The following CCNF variants were observed in gnomAD, a reference collection of about 807,000 sequenced individuals.
The protein encoded by CCNF is cyclin-F.
In CCNF, 30 loss-of-function variants were observed where a neutral mutation model predicts 85.4. That is an observed-to-expected ratio of 0.35 (90% CI 0.26 to 0.48). The LOEUF (loss-of-function observed/expected upper bound fraction) is 0.48, where lower values mean the gene tolerates loss of function less well. Ranked by LOEUF, CCNF falls within the 20% of genes least tolerant of loss-of-function variation. The probability of loss-of-function intolerance (pLI) is 0.99; values close to 1 mark genes in which losing one functional copy is unlikely to be tolerated. For missense variants in CCNF, 919 were observed against 1,010.4 expected (o/e 0.91, Z 1.23); for synonymous variants, 439 against 425.1 (o/e 1.03, Z -0.40).
At chr16:2,449,509 G>A (rs1362714238) in intron 12 of CCNF, 47 bp downstream of exon 12, 3 of 1,553,908 alleles carry the variant, frequency 1.9e-6, no homozygotes, top group Non-Finnish European at 1.7e-6. Flanking sequence ...GGAAGGTGCT[G>A]ACATAGGAGG....
chr16:2,454,970 G>A (rs2065417148), intron 15 of CCNF, among the ~76,000 whole-genome samples: 1 of 148,510 alleles, frequency 6.7e-6, no homozygotes, highest in East Asian at 2.0e-4. Context: ...TGAGGCAGGA[G>A]ACTCACTTGA....
intron 3 of CCNF, 49 bp downstream of exon 3, chr16:2,433,116 C>A: frequency 8.3e-7 from 1 of 1,198,562 alleles, no homozygotes; most frequent in Non-Finnish European, 1.2e-6. Flanking sequence ...CCTTGGCCTC[C>A]CTATGTGCCA....
intron 6 of CCNF, 27 bp downstream of exon 6, chr16:2,438,150 G>A (rs1181762591): frequency 4.5e-6 from 7 of 1,551,336 alleles, no homozygotes; most frequent in Non-Finnish European, 5.3e-6. Flanking sequence ...TCTGCACTGG[G>A]ACTTTGTGTT....
intron 15 of CCNF, 112 bp from the exon 16 acceptor site, chr16:2,455,283 G>A: frequency 3.0e-6 from 4 of 1,331,748 alleles, no homozygotes; most frequent in Non-Finnish European, 3.0e-6. Flanking sequence ...GAACCTTTGG[G>A]AGCACGTGGT....
At chr16:2,442,346 T>G (rs1366976931) in intron 8 of CCNF, among the ~76,000 whole-genome samples, 1 of 126,886 alleles carries the variant, frequency 7.9e-6, no homozygotes, top group Non-Finnish European at 1.6e-5. Flanking sequence ...TAGATATATT[T>G]ATAATATCTA....
Position 2,429,475 on chromosome 16 carries a change from C to G in CCNF, c.-7C>G, listed in dbSNP as rs1011352763. Reference sequence around the variant, plus strand: ...CGGGCTCCGGCGGCAGCGACGCGAGCGCGGCGATGGGGAGCGGCGGCGGTG... The same window carrying G: ...CGGGCTCCGGCGGCAGCGACGCGAGGGCGGCGATGGGGAGCGGCGGCGGTG... On this transcript the variant is annotated 5_prime_UTR_variant, in exon 1 of 17. Coordinates refer to ENST00000397066, the MANE Select transcript of CCNF (RefSeq NM_001761.3). 7.3e-6 allele frequency: 9 copies of G among 1,227,848 alleles called. No homozygotes were observed. In the East Asian group the frequency reaches 2.9e-4, roughly 39 times the overall value. The allele number at this position is 1,227,848 out of a possible 1,614,324, so 76.1% of individuals were successfully genotyped here. A position where few individuals can be genotyped will look rare whatever the true frequency, so the allele number is the denominator to read the frequency against.
Position 2,453,389 on chromosome 16 carries a change from C to G in CCNF, c.1588-21C>G, listed in dbSNP as rs780211194. Reference sequence around the variant, plus strand: ...CTCACCCTCGGGGCCTCTGCACCCCCTAACTCTAGCTTCCCCTCAGGTGCT... The same window carrying G: ...CTCACCCTCGGGGCCTCTGCACCCCGTAACTCTAGCTTCCCCTCAGGTGCT... On this transcript the variant is annotated intron_variant, in intron 14 of 16. Transcript: ENST00000397066. The surrounding 1 kb of genome is among the most constrained non-coding windows in gnomAD (Gnocchi z 5.6). The G allele has an allele frequency of 4.4e-5, 71 of 1,613,746 alleles. 1 individual carries two copies. The East Asian group carries it at 1.6e-3, about 35-fold the overall frequency.
Position 2,439,756 on chromosome 16 carries a change from A to G in CCNF, c.707A>G (p.Asp236Gly), listed in dbSNP as rs549764947. The G allele has an allele frequency of 6.2e-7, 1 of 1,614,042 alleles. No individual in the cohort carries two copies. The highest frequency in any genetic ancestry group is 1.1e-5 in the South Asian group (1 of 91,076). The change falls in exon 8 of 17, where the codon GAT becomes GGT. Residue 236 changes from aspartate to glycine, a missense_variant. Asp to Gly is a moderately conservative substitution (Grantham distance 94). Around this residue, in one of 3 missense-constraint regions of CCNF, gnomAD observed 410 missense variants for 478.6 expected, o/e 0.86. Transcript: ENST00000397066. ...WESDRRTDVS[D>G]PGRCLHSFRK... ...GTGATCTCCCATTGACAGGTGTCAGATCCTGGGCGATGCCTCCACAGCTTC... is the reference window on the plus strand; with the variant it reads ...GTGATCTCCCATTGACAGGTGTCAGGTCCTGGGCGATGCCTCCACAGCTTC...
At chr16:2,432,802 G>A (rs1387233180) in intron 2 of CCNF, among the ~76,000 whole-genome samples, 159 bp from the exon 3 acceptor site, 1 of 152,174 alleles carries the variant, frequency 6.6e-6, no homozygotes, top group African/African-American at 2.4e-5. Context: ...TCTGCTCAAA[G>A]TGACAGTTAC....
intron 11 of CCNF, 51 bp downstream of exon 11, chr16:2,449,029 AGGGTGG>A: frequency 1.5e-5 from 14 of 918,922 alleles, no homozygotes; most frequent in Non-Finnish European, 2.1e-5. Flanking sequence ...GCTGTGCTGG[AGGGTGG>A]GGGTGGGCAT....
intron 10 of CCNF, among the ~76,000 whole-genome samples, chr16:2,447,780 G>C (rs1017501196): frequency 6.6e-6 from 1 of 151,976 alleles, no homozygotes; most frequent in Non-Finnish European, 1.5e-5. Context: ...TAAAGGCTGA[G>C]CTGCCCCCCA....
chr16:2,433,320 C>T (rs560215143), intron 3 of CCNF, among the ~76,000 whole-genome samples: 75 of 152,352 alleles, frequency 4.9e-4, no homozygotes, highest in African/African-American at 1.7e-3. Flanking sequence ...CTCCAGAGGG[C>T]TGTGATCCAT....
intron 10 of CCNF, 90 bp from the exon 11 acceptor site, chr16:2,448,765 C>T: frequency 8.3e-7 from 1 of 1,206,102 alleles, no homozygotes; most frequent in Non-Finnish European, 1.2e-6. Flanking sequence ...TCCCTCCCTA[C>T]CTTGAGGCCT....
intron 8 of CCNF, among the ~76,000 whole-genome samples, chr16:2,442,755 AATAAT>A (rs1227110631): frequency 7.6e-5 from 3 of 39,294 alleles, no homozygotes; most frequent in Non-Finnish European, 1.1e-4. Context: ...TAATAATTAT[AATAAT>A]ATAATATATA....
In CCNF at chr16:2,456,398, C is replaced by A; in HGVS notation, c.1886-147C>A. 2.0e-6 allele frequency: 1 copy of A among 510,024 alleles called. No homozygotes were observed. The highest frequency in any genetic ancestry group is 3.9e-5 in the South Asian group (1 of 25,486). 31.6% of individuals were successfully genotyped at this position (510,024 alleles called of 1,614,324 possible). On this transcript the variant is annotated intron_variant, in intron 16 of 16. Coordinates refer to ENST00000397066, the MANE Select transcript of CCNF (RefSeq NM_001761.3). This position sits in a 1 kb window ranked among gnomAD's most constrained non-coding sequence, Gnocchi z 4.5. ...GTCCAACTTGGAAGAGGCATGTCAC[C>A]CACGCTTCTCACCACAGGAGGGTAA...
At chr16:2,431,420 T>C in intron 2 of CCNF, 136 bp downstream of exon 2, 1 of 889,948 alleles carries the variant, frequency 1.1e-6, no homozygotes, top group Non-Finnish European at 1.7e-6. Flanking sequence ...GGCTCATGCC[T>C]TAATCCTAGC....
In CCNF at chr16:2,458,798, A is replaced by C. The variant is rs1399881041; in HGVS notation, c.*1778A>C. ...CAGTTTCCTCATCTGTAAGGGGGGCAATGATACCTACCTCACAGGGGTGTT... is the reference window on the plus strand; with the variant it reads ...CAGTTTCCTCATCTGTAAGGGGGGCCATGATACCTACCTCACAGGGGTGTT... On this transcript the variant is annotated 3_prime_UTR_variant, in exon 17 of 17. Coordinates refer to ENST00000397066, the MANE Select transcript of CCNF (RefSeq NM_001761.3). The C allele has an allele frequency of 3.3e-5, 5 of 152,372 alleles. No individual in the cohort carries two copies. The East Asian group carries it at 7.7e-4, about 24-fold the overall frequency. 9.4% of individuals were successfully genotyped at this position (152,372 alleles called of 1,614,324 possible).
rs2065394664 is a variant in CCNF at position 2,451,436 on chromosome 16, C to G, written c.1487+1521C>G. On this transcript the variant is annotated intron_variant, in intron 13 of 16. Coordinates refer to ENST00000397066, the MANE Select transcript of CCNF (RefSeq NM_001761.3). The surrounding 1 kb of genome is among the most constrained non-coding windows in gnomAD (Gnocchi z 4.3). ...ACCCGGCCAGCCATCTCCGTCTCCC[C>G]TCCTCAGCTGTGCTCACAGACTTGC... is the stretch of plus-strand genomic sequence containing the variant. Among the ~76,000 whole-genome samples the G allele has an allele frequency of 6.6e-6, 1 of 152,184 alleles. No individual in the cohort carries two copies.
chr16:2,437,379 G>C, intron 5 of CCNF, 57 bp downstream of exon 5: 1 of 1,359,908 alleles, frequency 7.4e-7, no homozygotes, highest in Non-Finnish European at 9.9e-7. Context: ...CCAGGACACA[G>C]GAAGACCCCG....
Sources: gnomAD v4.1 joint callset for allele counts (sites outside exome capture counted in the v4.1 genomes callset) on GRCh38, gnomAD v4.1.1 for gene constraint, gnomAD v4.1.1 regional missense constraint, Gnocchi (gnomAD v3.1) non-coding constraint, MANE v1.5 for transcripts, NCBI Gene and HGNC (gene_info 2026-07-23, HGNC 2026-07-21) for gene names.